Variants in TUT4 observed in about 807,000 individuals in gnomAD.
TUT4 encodes the protein terminal uridylyltransferase 4.
Under a neutral mutation model 192.2 loss-of-function variants are expected in TUT4, and 36 were observed. That is an observed-to-expected ratio of 0.19 (90% CI 0.14 to 0.25). The LOEUF (loss-of-function observed/expected upper bound fraction) is 0.25, where lower values mean the gene tolerates loss of function less well. Among genes scored for constraint, TUT4 ranks in the 10% least tolerant of loss-of-function variants. The probability of loss-of-function intolerance (pLI) is 1.00; values close to 1 mark genes in which losing one functional copy is unlikely to be tolerated. For synonymous variants in TUT4, 618 were observed against 666.0 expected (o/e 0.93, Z 1.11); for missense variants, 1,493 against 1,957.2 (o/e 0.76, Z 4.47).
chr1:52,531,885 CTTTTTTTTTTTTT>C (rs1158088077), intron 1 of TUT4, among the ~76,000 whole-genome samples: 3 of 80,806 alleles, frequency 3.7e-5, no homozygotes, highest in African/African-American at 1.2e-4. Flanking sequence ...CTTTTCTCAT[CTTTTTTTTTTTTT>C]TTTTTTTTTT....
chr1:52,486,746 T>G (rs556673578), intron 9 of TUT4, among the ~76,000 whole-genome samples: 3 of 152,210 alleles, frequency 2.0e-5, no homozygotes, highest in African/African-American at 7.2e-5. Context: ...TATGTTTCAG[T>G]GTCCATTGAC....
chr1:52,427,262 G>T (rs991622568), intron 28 of TUT4, among the ~76,000 whole-genome samples: 9 of 152,144 alleles, frequency 5.9e-5, no homozygotes, highest in African/African-American at 2.2e-4. Flanking sequence ...ATTTAAAAAT[G>T]GAGGATGAGT....
intron 5 of TUT4, among the ~76,000 whole-genome samples, chr1:52,496,205 A>G (rs1672404997): frequency 6.6e-6 from 1 of 152,112 alleles, no homozygotes; most frequent in African/African-American, 2.4e-5. Context: ...TGTATATATA[A>G]AAGTCTACTT....
intron 20 of TUT4, among the ~76,000 whole-genome samples, chr1:52,455,285 AAAAT>A (rs771225393): frequency 4.6e-5 from 7 of 152,136 alleles, no homozygotes; most frequent in African/African-American, 1.4e-4. Flanking sequence ...CCCTCTCTCA[AAAAT>A]AAATAAATAG....
chr1:52,461,620 AT>A lies in TUT4; in HGVS notation c.3128-5del, dbSNP rs761290523. 3.1e-6 allele frequency: 5 copies of A among 1,596,068 alleles called. No individual in the cohort carries two copies. In the African/African-American group the frequency reaches 5.4e-5, roughly 17 times the overall value. On this transcript the variant is annotated splice_region_variant and splice_polypyrimidine_tract_variant and intron_variant, in intron 17 of 29. Coordinates refer to ENST00000257177, the MANE Select transcript of TUT4 (RefSeq NM_001009881.3). ...ATAGGCAAAATGTTTCTTAAACCTAATTTAAAAAAAAAAGACTTCAGTAGGT... is the reference window on the plus strand; with the variant it reads ...ATAGGCAAAATGTTTCTTAAACCTAATTAAAAAAAAAAGACTTCAGTAGGT...
intron 1 of TUT4, among the ~76,000 whole-genome samples, chr1:52,528,678 G>A (rs1358406130): frequency 1.3e-5 from 2 of 152,002 alleles, no homozygotes; most frequent in Admixed American, 1.3e-4. Flanking sequence ...ATTTTACTTG[G>A]TTGATTTACT....
At chr1:52,493,557 C>A (rs559466270) in intron 7 of TUT4, 54 bp downstream of exon 7, 31 of 1,268,444 alleles carry the variant, frequency 2.4e-5, no homozygotes, top group Admixed American at 1.9e-4. Flanking sequence ...ACACATGTAC[C>A]TTTAGAAAGA....
At chr1:52,512,259 TA>T (rs1677391108) in intron 3 of TUT4, among the ~76,000 whole-genome samples, 1 of 152,194 alleles carries the variant, frequency 6.6e-6, no homozygotes, top group Admixed American at 6.5e-5. Context: ...CTGGTAAAAA[TA>T]ATTCAGTTCT....
chr1:52,448,259 A>G (rs1428456550), intron 20 of TUT4, among the ~76,000 whole-genome samples: 3 of 152,238 alleles, frequency 2.0e-5, no homozygotes, highest in Non-Finnish European at 4.4e-5. Flanking sequence ...ACTAAAAGTC[A>G]TCTAGCACAT....
Position 52,423,984 on chromosome 1 carries a change from C to G in TUT4, c.4889G>C (p.Arg1630Pro), listed in dbSNP as rs763300604. The G allele has an allele frequency of 3.7e-6, 6 of 1,612,158 alleles. No homozygotes were observed. Among genetic ancestry groups the G allele is most frequent in the Non-Finnish European group, 4.2e-6 (5 of 1,179,210 alleles). The change falls in exon 30 of 30, where the codon CGG becomes CCG. Residue 1630 changes from arginine (R) to proline (P), a missense_variant. Physicochemically the swap from Arg to Pro is moderately radical, Grantham distance 103. Transcript: ENST00000257177. The part of the protein sequence containing the change: ...FYTQDRCATR[R>P]CRERCPHPPR... ...TGGGTGGGGACAACGCTCTCTACAC[C>G]GACGGGTGGCACATCTGTCTGTTGG...
At chr1:52,453,499 A>G (rs1008335705) in intron 20 of TUT4, among the ~76,000 whole-genome samples, 1 of 152,054 alleles carries the variant, frequency 6.6e-6, no homozygotes, top group African/African-American at 2.4e-5. Context: ...CAGAAAAAGC[A>G]TTTGACAAAA....
At chr1:52,490,419 T>C (rs1047519907) in intron 8 of TUT4, among the ~76,000 whole-genome samples, 1 of 152,036 alleles carries the variant, frequency 6.6e-6, no homozygotes, top group African/African-American at 2.4e-5. Context: ...ATTTCTTCTT[T>C]ATGTCTGTAT....
chr1:52,483,412 AT>A (rs1557805379), intron 9 of TUT4, among the ~76,000 whole-genome samples: 1 of 150,068 alleles, frequency 6.7e-6, no homozygotes, highest in African/African-American at 2.4e-5. Context: ...ACCATATAAA[AT>A]TTTTTATTTT....
At chr1:52,454,181 A>C (rs561617727) in intron 20 of TUT4, among the ~76,000 whole-genome samples, 73 of 152,298 alleles carry the variant, frequency 4.8e-4, no homozygotes, top group African/African-American at 1.4e-3. Context: ...ATTCAATCCC[A>C]ATCAAAATTC....
chr1:52,432,801 G>T (rs1165598329), intron 27 of TUT4: 1 of 152,152 alleles, frequency 6.6e-6, no homozygotes, highest in African/African-American at 2.4e-5. Flanking sequence ...CATGCCTGGA[G>T]TCCCAGCTAC....
chr1:52,501,439 G>A (rs1674040362), intron 4 of TUT4, among the ~76,000 whole-genome samples: 1 of 151,660 alleles, frequency 6.6e-6, no homozygotes, highest in Non-Finnish European at 1.5e-5. Context: ...CTATTATGGG[G>A]GGGCGGGGGG....
chr1:52,513,275 C>T (rs1487063139), intron 3 of TUT4, among the ~76,000 whole-genome samples: 1 of 151,204 alleles, frequency 6.6e-6, no homozygotes, highest in Non-Finnish European at 1.5e-5. Flanking sequence ...GTGGCACATG[C>T]CTGTAGTCCC....
chr1:52,515,842 GT>G, intron 3 of TUT4, 48 bp downstream of exon 3: 4 of 1,608,558 alleles, frequency 2.5e-6, no homozygotes, highest in Non-Finnish European at 3.4e-6. Flanking sequence ...GGGGAAAACA[GT>G]TATGAAACAC....
intron 13 of TUT4, among the ~76,000 whole-genome samples, chr1:52,472,473 A>G (rs1666016481): frequency 6.6e-6 from 1 of 151,888 alleles, no homozygotes; most frequent in South Asian, 2.1e-4. Context: ...TTTAAGGTGC[A>G]CCTTTCATTT....
Sources: gnomAD v4.1 joint callset for allele counts (sites outside exome capture counted in the v4.1 genomes callset) on GRCh38, gnomAD v4.1.1 for gene constraint, MANE v1.5 for transcripts, NCBI Gene and HGNC (gene_info 2026-07-23, HGNC 2026-07-21) for gene names.